Variants in SHC4 observed in about 807,000 individuals in gnomAD.
SHC4 encodes SHC-transforming protein 4.
A neutral mutation model predicts 69.4 loss-of-function variants in SHC4; 41 were observed. That is an observed-to-expected ratio of 0.59 (90% confidence interval 0.46 to 0.77). The LOEUF (loss-of-function observed/expected upper bound fraction) is 0.77. Among genes scored for constraint, SHC4 ranks in the 30% least tolerant of loss-of-function variants. The pLI is 0.00. For synonymous variants in SHC4, 318 were observed against 299.3 expected (o/e 1.06, Z -0.64); for missense variants, 777 against 783.8 (o/e 0.99, Z 0.10).
intron 4 of SHC4, among the ~76,000 whole-genome samples, chr15:48,882,850 G>T (rs923425806): frequency 4.6e-5 from 7 of 152,184 alleles, no homozygotes; most frequent in African/African-American, 1.7e-4. Context: ...CAAAATGTCA[G>T]AATGACTGAA....
intron 2 of SHC4, among the ~76,000 whole-genome samples, chr15:48,918,446 T>G (rs1331491494): frequency 1.3e-5 from 2 of 152,224 alleles, no homozygotes; most frequent in Non-Finnish European, 2.9e-5. Context: ...AATTTTTCCT[T>G]TTTTGTCATT....
intron 1 of SHC4, among the ~76,000 whole-genome samples, chr15:48,939,120 T>A (rs1336600161): frequency 6.6e-6 from 1 of 152,016 alleles, no homozygotes; most frequent in African/African-American, 2.4e-5. Flanking sequence ...ACTATACTGC[T>A]GTTCCTGATT....
intron 2 of SHC4, among the ~76,000 whole-genome samples, chr15:48,901,228 T>C (rs922357587): frequency 2.0e-5 from 3 of 152,226 alleles, no homozygotes; most frequent in Non-Finnish European, 4.4e-5. Context: ...TGTTGTTCTC[T>C]GACTCTTGCT....
At chr15:48,939,451 A>G (rs893710170) in intron 1 of SHC4, among the ~76,000 whole-genome samples, 1 of 152,250 alleles carries the variant, frequency 6.6e-6, no homozygotes, top group African/African-American at 2.4e-5. Flanking sequence ...CAATATGACT[A>G]ATGTCCAGGG....
intron 9 of SHC4, among the ~76,000 whole-genome samples, chr15:48,847,407 A>G (rs552724411): frequency 1.3e-5 from 2 of 152,314 alleles, no homozygotes; most frequent in Non-Finnish European, 2.9e-5. Context: ...ATTGTTTTCC[A>G]TGAGGGAATT....
chr15:48,950,562 CT>C (rs1483834726), intron 1 of SHC4, among the ~76,000 whole-genome samples: 1 of 152,062 alleles, frequency 6.6e-6, no homozygotes, highest in African/African-American at 2.4e-5. Flanking sequence ...AGAAGATGAT[CT>C]AATAAGTTTT....
At chr15:48,914,789 A>C (rs62010882) in intron 2 of SHC4, among the ~76,000 whole-genome samples, 24,223 of 152,156 alleles carry the variant, frequency 0.16, 2,105 homozygotes, top group East Asian at 0.22. Context: ...AATAATTTTT[A>C]AGCATACAGC....
rs10523567 is a variant in SHC4 at position 48,880,985 on chromosome 15, AGTGTGTGTGTGT to A, written c.840+3251_840+3262del. Among the ~76,000 whole-genome samples the A allele has an allele frequency of 5.8e-3, 847 of 146,076 alleles. 7 individuals carry two copies. The highest frequency in any genetic ancestry group is 0.02 in the African/African-American group (781 of 39,666). ...AGGACTAAATGATGATGTGTGTGAG[AGTGTGTGTGTGT>A]GTGTGTGTGTGTGTGTGTGTGTGTG... On this transcript the variant is annotated intron_variant, in intron 4 of 11. Transcript: ENST00000332408.
intron 6 of SHC4, among the ~76,000 whole-genome samples, chr15:48,867,450 C>G (rs541670777): frequency 6.6e-6 from 1 of 152,242 alleles, no homozygotes; most frequent in African/African-American, 2.4e-5. Context: ...CAGACACACA[C>G]ACACACCAAA....
At chr15:48,907,147 A>C (rs1303826842) in intron 2 of SHC4, among the ~76,000 whole-genome samples, 1 of 152,118 alleles carries the variant, frequency 6.6e-6, no homozygotes, top group Non-Finnish European at 1.5e-5. Context: ...AAAAATTAAG[A>C]ATTAGATATG....
chr15:48,831,425 G>A (rs1898798548), intron 11 of SHC4, among the ~76,000 whole-genome samples: 1 of 152,172 alleles, frequency 6.6e-6, no homozygotes, highest in African/African-American at 2.4e-5. Context: ...TTCTACATAG[G>A]TGTACCATTT....
At chr15:48,831,479 C>T (rs1381695324) in intron 11 of SHC4, among the ~76,000 whole-genome samples, 3 of 152,156 alleles carry the variant, frequency 2.0e-5, no homozygotes, top group Non-Finnish European at 1.5e-5. Context: ...TCTATGTTTA[C>T]ATACACAAAT....
intron 1 of SHC4, among the ~76,000 whole-genome samples, chr15:48,931,379 G>A (rs910343196): frequency 6.6e-6 from 1 of 152,160 alleles, no homozygotes; most frequent in African/African-American, 2.4e-5. Flanking sequence ...CTTCAGATGT[G>A]TATTGGCACA....
chr15:48,878,949 C>T (rs1394238463), intron 4 of SHC4: 4 of 483,696 alleles, frequency 8.3e-6, no homozygotes, highest in African/African-American at 1.9e-5. Context: ...ATTTTAAGAC[C>T]GTTGAAATCA....
chr15:48,962,972 T>A lies in SHC4; in HGVS notation c.44A>T (p.Tyr15Phe). 6.2e-7 allele frequency: 1 copy of A among 1,612,772 alleles called. No individual in the cohort carries two copies. The highest frequency in any genetic ancestry group is 8.5e-7 in the Non-Finnish European group (1 of 1,179,828). The change falls in exon 1 of 12, where the codon TAT becomes TTT. Residue 15 changes from tyrosine to phenylalanine, a missense_variant. Physicochemically the swap from Tyr to Phe is conservative, Grantham distance 22 (BLOSUM62 3). Coordinates refer to ENST00000332408, the MANE Select transcript of SHC4 (RefSeq NM_203349.4). The part of the protein sequence containing the change: ...GQDSLAGLVL[Y>F]VGLFGHPGML... Reference sequence around the variant, plus strand: ...CCCGGGGTGCCCGAAGAGTCCTACATACAGCACGAGTCCTGCCAGGCTGTC... The same window carrying A: ...CCCGGGGTGCCCGAAGAGTCCTACAAACAGCACGAGTCCTGCCAGGCTGTC...
chr15:48,875,807 A>C (rs959013309), intron 4 of SHC4, among the ~76,000 whole-genome samples: 1 of 152,246 alleles, frequency 6.6e-6, no homozygotes, highest in Non-Finnish European at 1.5e-5. Flanking sequence ...TCGCTTCTGA[A>C]TGTGAGTCTA....
intron 2 of SHC4, among the ~76,000 whole-genome samples, chr15:48,921,720 C>T (rs922971792): frequency 3.3e-5 from 5 of 152,096 alleles, no homozygotes; most frequent in African/African-American, 1.2e-4. Flanking sequence ...TGGATGGTGA[C>T]GATAGTTGCG....
chr15:48,935,552 A>C (rs902855968), intron 1 of SHC4, among the ~76,000 whole-genome samples: 1 of 152,198 alleles, frequency 6.6e-6, no homozygotes, highest in African/African-American at 2.4e-5. Context: ...GTTCCTTCTT[A>C]AAGGGGTATA....
chr15:48,953,637 T>TATGTTAATGAGAATGTG (rs1443472762), intron 1 of SHC4, among the ~76,000 whole-genome samples: 1 of 152,188 alleles, frequency 6.6e-6, no homozygotes, highest in Admixed American at 6.5e-5. Flanking sequence ...TCATAGCTAT[T>TATGTTAATGAGAATGTG]ATGTTAATGA....
Sources: gnomAD v4.1 joint callset for allele counts (sites outside exome capture counted in the v4.1 genomes callset) on GRCh38, gnomAD v4.1.1 for gene constraint, MANE v1.5 for transcripts, NCBI Gene and HGNC (gene_info 2026-07-23, HGNC 2026-07-21) for gene names.